The following CNTNAP2 variants were observed in gnomAD, a reference collection of about 807,000 sequenced individuals.
The protein encoded by CNTNAP2 is contactin-associated protein-like 2.
A neutral mutation model predicts 155.2 loss-of-function variants in CNTNAP2; 98 were observed. The observed-to-expected ratio is 0.63, with a 90% CI of 0.54 to 0.75. CNTNAP2 has a LOEUF of 0.75. Ranked by LOEUF, CNTNAP2 falls within the 30% of genes least tolerant of loss-of-function variation. CNTNAP2 has a pLI of 0.00. For synonymous variants in CNTNAP2, 651 were observed against 631.2 expected, an observed-to-expected ratio of 1.03 and a Z score of -0.47; for missense variants, 1,727 against 1,688.1, an observed-to-expected ratio of 1.02 and a Z score of -0.40.
At position 146,648,620 on chromosome 7, in the gene CNTNAP2, A is replaced by G. The variant is rs1043503540; in HGVS notation, c.98-125651A>G. Among the ~76,000 whole-genome samples, 5 of 152,278 alleles carry G rather than the reference A, an allele frequency of 3.3e-5. No homozygotes were observed. In the East Asian group the frequency reaches 7.7e-4, roughly 23 times the overall value. ...TTCTCTGGGCCTAGATGAAATTCTC[A>G]GATATTTTGTAAGCAATGAAAAATT... is the stretch of plus-strand genomic sequence containing the variant. On this transcript the variant is annotated intron_variant, in intron 1 of 23. Transcript: ENST00000361727.
At chr7:146,826,857 T>TATAGAGAG (rs773069615) in intron 2 of CNTNAP2, among the ~76,000 whole-genome samples, 14 of 138,972 alleles carry the variant, frequency 1.0e-4, no homozygotes, top group African/African-American at 3.5e-4. Context: ...TATATATATA[T>TATAGAGAG]AGAGAGAGAG....
At chr7:148,062,073 G>A (rs991077002) in intron 15 of CNTNAP2, among the ~76,000 whole-genome samples, 1 of 142,634 alleles carries the variant, frequency 7.0e-6, no homozygotes, top group South Asian at 2.2e-4. Flanking sequence ...GTGTGTGTGT[G>A]TGTTTAGTCC....
intron 5 of CNTNAP2, among the ~76,000 whole-genome samples, chr7:147,116,323 A>G (rs1800988268): frequency 6.6e-6 from 1 of 152,194 alleles, no homozygotes; most frequent in Admixed American, 6.5e-5. Flanking sequence ...GACTTAAAAA[A>G]GCAGTCTGGC....
chr7:146,641,357 A>G (rs1585020170), intron 1 of CNTNAP2, among the ~76,000 whole-genome samples: 6 of 152,180 alleles, frequency 3.9e-5, no homozygotes, highest in Admixed American at 3.9e-4. Flanking sequence ...TAAATAAATT[A>G]AAAAGAGACG....
At chr7:147,556,449 T>C (rs550674474) in intron 11 of CNTNAP2, among the ~76,000 whole-genome samples, 1 of 152,308 alleles carries the variant, frequency 6.6e-6, no homozygotes, top group East Asian at 1.9e-4. Context: ...AGGGACTTTG[T>C]GCTTGTTAAG....
At chr7:147,124,876 C>CTTTTTTTTTTTT (rs371912854) in intron 6 of CNTNAP2, among the ~76,000 whole-genome samples, 1 of 80,070 alleles carries the variant, frequency 1.2e-5, no homozygotes, top group Non-Finnish European at 2.1e-5. Flanking sequence ...CCTTTTTTTC[C>CTTTTTTTTTTTT]TTTTTTTTTT....
chr7:146,626,355 A>G (rs1799419010), intron 1 of CNTNAP2, among the ~76,000 whole-genome samples: 1 of 152,124 alleles, frequency 6.6e-6, no homozygotes, highest in African/African-American at 2.4e-5. Context: ...GCTTGTATCT[A>G]TCATTCTGTT....
Position 146,455,386 on chromosome 7 carries a change from AT to A in CNTNAP2, c.98-318880del, listed in dbSNP as rs1341485706. Among the ~76,000 whole-genome samples the A allele has an allele frequency of 2.0e-5, 3 of 152,166 alleles. No homozygotes were observed. In the South Asian group the frequency reaches 6.2e-4, roughly 32 times the overall value. ...ATCTCTTTCTACACTACATCCTTTT[AT>A]TTTTCCCAGGGCTAAGTACCCGTAT... On this transcript the variant is annotated intron_variant, in intron 1 of 23. Coordinates refer to ENST00000361727, the MANE Select transcript of CNTNAP2 (RefSeq NM_014141.6).
intron 13 of CNTNAP2, among the ~76,000 whole-genome samples, chr7:147,758,248 C>T (rs12535317): frequency 0.011 from 1,711 of 152,238 alleles, 98 homozygotes; most frequent in Admixed American, 0.088. Flanking sequence ...GTCTGTTTCT[C>T]GAAAAATTGG....
intron 1 of CNTNAP2, among the ~76,000 whole-genome samples, chr7:146,488,308 C>T (rs1797088666): frequency 8.1e-6 from 1 of 123,358 alleles, no homozygotes; most frequent in Admixed American, 8.0e-5. Flanking sequence ...TCCCTTCCTC[C>T]CTCCCTTCCT....
intron 1 of CNTNAP2, among the ~76,000 whole-genome samples, chr7:146,647,616 C>A (rs1192170117): frequency 6.6e-6 from 1 of 152,054 alleles, no homozygotes; most frequent in East Asian, 1.9e-4. Flanking sequence ...CACTGGGAAG[C>A]AACAAGTGTT....
chr7:146,451,865 A>ACG (rs1796487628), intron 1 of CNTNAP2, among the ~76,000 whole-genome samples: 1 of 62,790 alleles, frequency 1.6e-5, no homozygotes, highest in Non-Finnish European at 2.8e-5. Flanking sequence ...CTATATATAT[A>ACG]TATACGTATA....
chr7:148,048,544 C>G (rs1191147974), intron 15 of CNTNAP2, among the ~76,000 whole-genome samples: 2 of 152,076 alleles, frequency 1.3e-5, no homozygotes, highest in African/African-American at 4.8e-5. Flanking sequence ...AGTAGGGAAT[C>G]CATGGAGCTG....
chr7:147,967,044 A>G (rs1001907376), intron 14 of CNTNAP2, among the ~76,000 whole-genome samples: 7 of 152,092 alleles, frequency 4.6e-5, no homozygotes, highest in Non-Finnish European at 8.8e-5. Context: ...TACTTTTGAG[A>G]TGCCAGGAGT....
intron 2 of CNTNAP2, among the ~76,000 whole-genome samples, chr7:146,776,029 A>C (rs545364299): frequency 3.0e-4 from 45 of 152,266 alleles, no homozygotes; most frequent in African/African-American, 1.1e-3. Context: ...AAGTAATATA[A>C]ATTTTAATAT....
chr7:147,715,410 A>AT (rs1563062867), intron 13 of CNTNAP2, among the ~76,000 whole-genome samples: 1 of 152,056 alleles, frequency 6.6e-6, no homozygotes, highest in East Asian at 1.9e-4. Flanking sequence ...TGTGGTTTCC[A>AT]TTTTAATTTC....
chr7:148,390,131 C>T (rs575682677), intron 22 of CNTNAP2, among the ~76,000 whole-genome samples: 15 of 152,248 alleles, frequency 9.9e-5, no homozygotes, highest in South Asian at 6.2e-4. Context: ...ACAATAAAGC[C>T]GTTAGGTGGT....
chr7:146,696,737 CTA>C (rs1216015459), intron 1 of CNTNAP2, among the ~76,000 whole-genome samples: 4 of 152,126 alleles, frequency 2.6e-5, no homozygotes, highest in East Asian at 3.8e-4. Context: ...TCACTTCAAA[CTA>C]TTTTTATTTT....
chr7:147,500,863 C>T (rs984038388), intron 11 of CNTNAP2, among the ~76,000 whole-genome samples: 2 of 152,070 alleles, frequency 1.3e-5, no homozygotes, highest in Admixed American at 1.3e-4. Context: ...CAAAAAATAT[C>T]TGACACTTCC....
Sources: allele counts gnomAD v4.1 joint callset (sites outside exome capture counted in the v4.1 genomes callset), GRCh38; gene constraint gnomAD v4.1.1; transcripts MANE v1.5; gene names NCBI Gene and HGNC (gene_info 2026-07-23, HGNC 2026-07-21).